The following FBXO3 variants were observed in gnomAD, a reference collection of about 807,000 sequenced individuals.
FBXO3 encodes the protein F-box only protein 3.
A neutral mutation model predicts 64.8 loss-of-function variants in FBXO3; 17 were observed. The observed-to-expected ratio is 0.26, with a 90% CI of 0.18 to 0.39. The LOEUF is 0.39. Ranked by LOEUF, FBXO3 falls within the 10% of genes least tolerant of loss-of-function variation. The pLI is 1.00. For missense variants in FBXO3, 420 were observed against 589.9 expected, an observed-to-expected ratio of 0.71 and a Z score of 2.98; for synonymous variants, 182 against 201.6, an observed-to-expected ratio of 0.90 and a Z score of 0.82.
chr11:33,763,249 C>T (rs1855286110), intron 3 of FBXO3: 1 of 445,854 alleles, frequency 2.2e-6, no homozygotes, highest in East Asian at 7.0e-5. Context: ...CACTTCTCGA[C>T]TCGTTTTATA....
At chr11:33,746,879 T>C (rs2133593533) in intron 10 of FBXO3, 1 of 1,417,284 alleles carries the variant, frequency 7.1e-7, no homozygotes, top group South Asian at 1.6e-5. Context: ...TCTCATAATC[T>C]ACATTTAGGC....
chr11:33,761,012 G>A (rs1370798296), intron 3 of FBXO3, among the ~76,000 whole-genome samples: 1 of 152,100 alleles, frequency 6.6e-6, no homozygotes, highest in Non-Finnish European at 1.5e-5. Flanking sequence ...AAATCAAAAG[G>A]CAGGTAGGAG....
At chr11:33,769,350 A>G (rs546338097) in intron 2 of FBXO3, among the ~76,000 whole-genome samples, 2 of 152,298 alleles carry the variant, frequency 1.3e-5, no homozygotes, top group Admixed American at 6.5e-5. Context: ...TAAAGGCATT[A>G]TGTATTGTTT....
At chr11:33,757,656 T>TAAAA (rs1170445394) in intron 4 of FBXO3, among the ~76,000 whole-genome samples, 672 of 23,952 alleles carry the variant, frequency 0.028, 90 homozygotes, top group East Asian at 0.099. Context: ...CACCATCTCT[T>TAAAA]AAAAAAAAAA....
Position 33,758,935 on chromosome 11 carries a change from A to AC in FBXO3, c.359-335_359-334insG, listed in dbSNP as rs1166959523. ...ACTGCTTTATTTAAAATAAAAAAAAAAACAGCAAAACCCCTGGAAGTTCTC... is the reference window on the plus strand; with the variant it reads ...ACTGCTTTATTTAAAATAAAAAAAAACAACAGCAAAACCCCTGGAAGTTCTC... On this transcript the variant is annotated intron_variant, in intron 3 of 10. Coordinates refer to ENST00000265651, the MANE Select transcript of FBXO3 (RefSeq NM_012175.4). Among the ~76,000 whole-genome samples the AC allele has an allele frequency of 3.9e-5, 6 of 152,158 alleles. No individual in the cohort carries two copies. In the East Asian group the frequency reaches 1.2e-3, roughly 29 times the overall value.
At position 33,748,844 on chromosome 11, in the gene FBXO3, GT is replaced by G; in HGVS notation, c.980del (p.Asp327AlafsTer7). ...DALPEKACQL[D>X]SRYWRITNAK... is the part of the protein sequence containing the mutation. ...CATTTGTTATTCTCCAATAGCGACT[GT>G]CCAACTGACAGGCCTTCTCAGGAAG... On this transcript the variant is annotated frameshift_variant, in exon 9 of 11. Transcript: ENST00000265651. LOFTEE classifies it high-confidence loss of function. 1 of 1,613,856 alleles carries G rather than the reference GT, an allele frequency of 6.2e-7. No homozygotes were observed. The highest frequency in any genetic ancestry group is 8.5e-7 in the Non-Finnish European group (1 of 1,179,846).
intron 1 of FBXO3, chr11:33,773,699 T>C (rs1214558171): frequency 6.6e-6 from 1 of 152,276 alleles, no homozygotes; most frequent in African/African-American, 2.4e-5. Flanking sequence ...CCGGTGTTTA[T>C]TTCTGGAACA....
intron 10 of FBXO3, chr11:33,746,125 C>CCTA: frequency 6.6e-6 from 1 of 152,290 alleles, no homozygotes; most frequent in South Asian, 2.1e-4. Context: ...AAAATTTTCC[C>CCTA]ACAAACAGAA....
intron 2 of FBXO3, 141 bp downstream of exon 2, chr11:33,770,600 A>G (rs1244722037): frequency 1.6e-6 from 1 of 621,784 alleles, no homozygotes; most frequent in Non-Finnish European, 2.9e-6. Flanking sequence ...CTTGGCAAAT[A>G]CCAACATTTA....
intron 3 of FBXO3, among the ~76,000 whole-genome samples, chr11:33,766,245 T>C (rs554271501): frequency 6.6e-6 from 1 of 152,376 alleles, no homozygotes; most frequent in African/African-American, 2.4e-5. Context: ...ATTAGAGTTG[T>C]ATCTTGGTCA....
chr11:33,771,880 T>C (rs1855519791), intron 1 of FBXO3: 1 of 152,130 alleles, frequency 6.6e-6, no homozygotes, highest in South Asian at 2.1e-4. Flanking sequence ...CTAAATGACA[T>C]AAAAGAATCT....
chr11:33,754,502 T>C lies in FBXO3; in HGVS notation c.679-2A>G. The C allele has an allele frequency of 6.4e-7, 1 of 1,573,466 alleles. No homozygotes were observed. Among genetic ancestry groups the C allele is most frequent in the Non-Finnish European group, 8.6e-7 (1 of 1,160,572 alleles). On this transcript the variant is annotated splice_acceptor_variant, in intron 5 of 10. Transcript: ENST00000265651. LOFTEE classifies it high-confidence loss of function. The stretch of plus-strand genomic sequence containing the variant: ...AGCTGGATTTCGAGCCATTTGGTCC[T>C]AGGTGAGAAAAAGAATACAATCGAT...
Position 33,761,112 on chromosome 11 carries a change from T to C in FBXO3, c.359-2511A>G, listed in dbSNP as rs567093041. ...ACATTAGACTTTAAAAAGTCAAAGA[T>C]GCAATGTTTTAATCTCTAATATAAT... On this transcript the variant is annotated intron_variant, in intron 3 of 10. Transcript: ENST00000265651. Among the ~76,000 whole-genome samples, 28 of 152,158 alleles carry C rather than the reference T, an allele frequency of 1.8e-4. No homozygotes were observed. In the South Asian group the frequency reaches 5.6e-3, roughly 30 times the overall value.
chr11:33,751,747 T>C, intron 6 of FBXO3, 140 bp from the exon 7 acceptor site: 1 of 490,162 alleles, frequency 2.0e-6, no homozygotes, highest in South Asian at 3.5e-5. Flanking sequence ...GTACTAATTA[T>C]TTATAAGATC....
At chr11:33,750,848 A>C (rs1564987594) in intron 7 of FBXO3, among the ~76,000 whole-genome samples, 187 bp from the exon 8 acceptor site, 1 of 152,182 alleles carries the variant, frequency 6.6e-6, no homozygotes, top group Non-Finnish European at 1.5e-5. Context: ...AACCTTGGTG[A>C]CTCTGGATCA....
chr11:33,755,357 A>G (rs1263629331), intron 5 of FBXO3, among the ~76,000 whole-genome samples: 1 of 152,202 alleles, frequency 6.6e-6, no homozygotes, highest in African/African-American at 2.4e-5. Context: ...GTCTCCTAAA[A>G]AAGAACTACA....
chr11:33,757,683 T>TAAAAAAAAAAAA (rs1554946196), intron 4 of FBXO3, among the ~76,000 whole-genome samples: 3 of 34,756 alleles, frequency 8.6e-5, no homozygotes, highest in African/African-American at 1.0e-4. Flanking sequence ...AAAAAAAAAG[T>TAAAAAAAAAAAA]CTGGGTGGTT....
At chr11:33,770,673 G>C (rs1855490182) in intron 2 of FBXO3, 68 bp downstream of exon 2, 1 of 1,187,054 alleles carries the variant, frequency 8.4e-7, no homozygotes, top group Non-Finnish European at 1.2e-6. Context: ...AGGAGAATCA[G>C]GACAAACTAG....
chr11:33,766,830 G>A (rs887526549), intron 3 of FBXO3, among the ~76,000 whole-genome samples: 1 of 152,028 alleles, frequency 6.6e-6, no homozygotes, highest in Non-Finnish European at 1.5e-5. Context: ...CCACAGCACT[G>A]CAGACATCAA....
Sources: gnomAD v4.1 joint callset for allele counts (sites outside exome capture counted in the v4.1 genomes callset) on GRCh38, gnomAD v4.1.1 for gene constraint, MANE v1.5 for transcripts, NCBI Gene and HGNC (gene_info 2026-07-23, HGNC 2026-07-21) for gene names.